The following CACNA1C variants were observed in gnomAD, a reference collection of about 807,000 sequenced individuals.
CACNA1C encodes the protein voltage-dependent L-type calcium channel subunit alpha-1C.
CACNA1C carries 30 observed loss-of-function variants against 229.0 expected under a neutral mutation model. The observed-to-expected ratio is 0.13, with a 90% CI of 0.10 to 0.18. The LOEUF (loss-of-function observed/expected upper bound fraction) is 0.18, where lower values mean the gene tolerates loss of function less well. Among genes scored for constraint, CACNA1C ranks in the 10% least tolerant of loss-of-function variants. The pLI is 1.00. For synonymous variants in CACNA1C, 1,114 were observed against 1,132.5 expected, an observed-to-expected ratio of 0.98 and a Z score of 0.33; for missense variants, 1,658 against 2,845.0, an observed-to-expected ratio of 0.58 and a Z score of 9.49.
At chr12:2,254,592 G>A (rs1346621590) in intron 3 of CACNA1C, among the ~76,000 whole-genome samples, 2 of 152,184 alleles carry the variant, frequency 1.3e-5, no homozygotes, top group East Asian at 3.9e-4. Flanking sequence ...ATTGTCCAGG[G>A]TCCAGGCTTC....
intron 3 of CACNA1C, chr12:2,288,774 A>G (rs545866975): frequency 1.3e-5 from 2 of 152,376 alleles, no homozygotes; most frequent in South Asian, 2.1e-4. Flanking sequence ...TGGCAGCCCC[A>G]GTCAATGGAT....
chr12:2,098,364 T>C (rs1319110082), intron 1 of CACNA1C, among the ~76,000 whole-genome samples: 1 of 152,252 alleles, frequency 6.6e-6, no homozygotes, highest in Non-Finnish European at 1.5e-5. Flanking sequence ...CCTGTGAGTG[T>C]GTAGAAATAA....
intron 22 of CACNA1C, chr12:2,603,278 C>T (rs539955979): frequency 6.6e-6 from 1 of 152,344 alleles, no homozygotes; most frequent in South Asian, 2.1e-4. Context: ...GACTCCCTCC[C>T]AGAGAGACTG....
At chr12:2,126,151 A>G (rs960441159) in intron 3 of CACNA1C, among the ~76,000 whole-genome samples, 2 of 151,998 alleles carry the variant, frequency 1.3e-5, no homozygotes, top group African/African-American at 4.8e-5. Context: ...CTCTCTCATT[A>G]TTTAAATAAA....
At chr12:2,064,066 T>C (rs1594789613) in intron 1 of CACNA1C, among the ~76,000 whole-genome samples, 1 of 152,194 alleles carries the variant, frequency 6.6e-6, no homozygotes, top group South Asian at 2.1e-4. Context: ...CCAGTTCCTA[T>C]ACCAGAAATT....
Position 2,149,203 on chromosome 12 carries a change from C to T in CACNA1C, c.477+28773C>T, listed in dbSNP as rs188268983. On this transcript the variant is annotated intron_variant, in intron 3 of 46. Transcript: ENST00000399655. ...GGAAGAAAGGGCAGCTATGACCTATCTTGGGGTTTTGCATTTTGTTCTTGT... is the reference window on the plus strand; with the variant it reads ...GGAAGAAAGGGCAGCTATGACCTATTTTGGGGTTTTGCATTTTGTTCTTGT... Among the ~76,000 whole-genome samples the T allele has an allele frequency of 6.6e-3, 1,000 of 152,246 alleles. 7 individuals carry two copies. The highest frequency in any genetic ancestry group is 0.027 in the Middle Eastern group (8 of 294).
chr12:2,126,570 A>C (rs532970739), intron 3 of CACNA1C, among the ~76,000 whole-genome samples: 2 of 152,350 alleles, frequency 1.3e-5, no homozygotes, highest in African/African-American at 2.4e-5. Context: ...TTTCTGGAGC[A>C]AGAGCCAAGC....
Position 2,678,037 on chromosome 12 carries a change from C to G in CACNA1C, c.5091+170C>G. 1 of 716,334 alleles carries G rather than the reference C, an allele frequency of 1.4e-6. No individual in the cohort carries two copies. Among genetic ancestry groups the G allele is most frequent in the East Asian group, 2.8e-5 (1 of 36,166 alleles). The allele number at this position is 716,334 out of a possible 1,614,324, so 44.4% of individuals were successfully genotyped here. On this transcript the variant is annotated intron_variant, in intron 41 of 46. Transcript: ENST00000399655. This position sits in a 1 kb window ranked among gnomAD's most constrained non-coding sequence, Gnocchi z 4.1. ...TCCTCACCCCTTTGCCTTTTCCAAG[C>G]CTGACTCCATCCCAAGGCAGGGCTC...
In CACNA1C at chr12:2,574,281, T is replaced by C. The variant is rs563510769; in HGVS notation, c.1895+6487T>C. Reference sequence around the variant, plus strand: ...ATTGGGTTCTTCCACCTGTGGCTCTTGGTGCTGCCCAGATTCAATATCCAG... The same window carrying C: ...ATTGGGTTCTTCCACCTGTGGCTCTCGGTGCTGCCCAGATTCAATATCCAG... On this transcript the variant is annotated intron_variant, in intron 13 of 46. Transcript: ENST00000399655. Among the ~76,000 whole-genome samples, 123 of 152,344 alleles carry C rather than the reference T, an allele frequency of 8.1e-4. 1 individual carries two copies. The highest frequency in any genetic ancestry group is 2.9e-3 in the African/African-American group (120 of 41,584).
At chr12:2,349,919 C>T (rs901557706) in intron 3 of CACNA1C, among the ~76,000 whole-genome samples, 17 of 152,122 alleles carry the variant, frequency 1.1e-4, no homozygotes, top group African/African-American at 3.6e-4. Flanking sequence ...AAAGAAGAGT[C>T]GTTTTCCATG....
chr12:2,382,202 C>G (rs1305038762), intron 3 of CACNA1C, among the ~76,000 whole-genome samples: 4 of 152,204 alleles, frequency 2.6e-5, no homozygotes, highest in African/African-American at 9.6e-5. Context: ...TTAGCAGTTT[C>G]TGTTACTTTG....
intron 34 of CACNA1C, among the ~76,000 whole-genome samples, chr12:2,661,600 C>A (rs2095744638): frequency 6.6e-6 from 1 of 152,112 alleles, no homozygotes; most frequent in South Asian, 2.1e-4. Flanking sequence ...GTTATATAAA[C>A]TTTCCAGGAA....
intron 3 of CACNA1C, among the ~76,000 whole-genome samples, chr12:2,380,135 A>G (rs1220105997): frequency 6.6e-6 from 1 of 152,030 alleles, no homozygotes; most frequent in South Asian, 2.1e-4. Flanking sequence ...CACGTGTTCA[A>G]CACTCTGCCC....
intron 1 of CACNA1C, among the ~76,000 whole-genome samples, chr12:1,989,697 G>C (rs778732715): frequency 1.3e-5 from 2 of 152,214 alleles, no homozygotes; most frequent in Non-Finnish European, 2.9e-5. Flanking sequence ...TGGACAAATA[G>C]AGCAAGACTC....
chr12:2,230,083 G>GA (rs202186731), intron 3 of CACNA1C, among the ~76,000 whole-genome samples: 1 of 150,262 alleles, frequency 6.7e-6, no homozygotes, highest in South Asian at 2.1e-4. Flanking sequence ...AGGGGAAGAA[G>GA]GGGCCTGGAG....
At chr12:2,360,195 A>ACC (rs1468755804) in intron 3 of CACNA1C, among the ~76,000 whole-genome samples, 3 of 85,704 alleles carry the variant, frequency 3.5e-5, no homozygotes, top group Admixed American at 3.1e-4. Context: ...ACACACACAC[A>ACC]CCCCACCCCA....
At chr12:2,324,538 C>T (rs1356579612) in intron 3 of CACNA1C, among the ~76,000 whole-genome samples, 2 of 152,190 alleles carry the variant, frequency 1.3e-5, no homozygotes, top group Non-Finnish European at 1.5e-5. Flanking sequence ...CGGAGCTGCC[C>T]GGGCCCCGCC....
rs2075065974 is a variant in CACNA1C at position 2,605,852 on chromosome 12, C to G, written c.3156+66C>G. 1 of 1,105,268 alleles carries G rather than the reference C, an allele frequency of 9.0e-7. No individual in the cohort carries two copies. Among genetic ancestry groups the G allele is most frequent in the Non-Finnish European group, 1.4e-6 (1 of 718,324 alleles). 68.5% of individuals were successfully genotyped at this position (1,105,268 alleles called of 1,614,324 possible). A position where few individuals can be genotyped will look rare whatever the true frequency, so the allele number is the denominator to read the frequency against. The stretch of plus-strand genomic sequence containing the variant: ...CCATCAGCATTCCTGGGGAAGGGAA[C>G]TGGCAGATATAGTACAAACGAGACA... On this transcript the variant is annotated intron_variant, in intron 24 of 46. Coordinates refer to ENST00000399655, the MANE Select transcript of CACNA1C (RefSeq NM_000719.7). The surrounding 1 kb of genome is among the most constrained non-coding windows in gnomAD (Gnocchi z 6.2).
At chr12:2,194,563 G>A (rs1324340374) in intron 3 of CACNA1C, among the ~76,000 whole-genome samples, 2 of 151,962 alleles carry the variant, frequency 1.3e-5, no homozygotes, top group Non-Finnish European at 2.9e-5. Context: ...CTTTGCTCTT[G>A]GGTCTCCTTG....
Sources: gnomAD v4.1 joint callset for allele counts (sites outside exome capture counted in the v4.1 genomes callset) on GRCh38, gnomAD v4.1.1 for gene constraint, Gnocchi (gnomAD v3.1) non-coding constraint, MANE v1.5 for transcripts, NCBI Gene and HGNC (gene_info 2026-07-23, HGNC 2026-07-21) for gene names.